ITGA9: variants seen among roughly 807,000 people sequenced by gnomAD.
ITGA9 encodes integrin subunit alpha 9.
Under a neutral mutation model 127.8 loss-of-function variants are expected in ITGA9, and 56 were observed. The ratio of observed to expected loss-of-function variants is 0.44; its 90% CI spans 0.35 to 0.55. The LOEUF is 0.55. ITGA9 is among the 20% of genes least tolerant of loss of function. The pLI is 0.00. For synonymous variants in ITGA9, 508 were observed against 514.5 expected, an observed-to-expected ratio of 0.99 and a Z score of 0.17; for missense variants, 1,196 against 1,347.1, an observed-to-expected ratio of 0.89 and a Z score of 1.76.
intron 17 of ITGA9, among the ~76,000 whole-genome samples, chr3:37,657,987 A>C (rs558216452): frequency 2.5e-4 from 38 of 152,296 alleles, no homozygotes; most frequent in African/African-American, 8.9e-4. Flanking sequence ...TTCAGTTTCC[A>C]TGTAGTTGTG....
intron 27 of ITGA9, among the ~76,000 whole-genome samples, chr3:37,815,631 A>G (rs1357015986): frequency 6.6e-6 from 1 of 152,058 alleles, no homozygotes; most frequent in Non-Finnish European, 1.5e-5. Flanking sequence ...AAAAGTGAAA[A>G]GTCCAGTTCA....
At chr3:37,561,195 C>T (rs1037307098) in intron 15 of ITGA9, among the ~76,000 whole-genome samples, 54 of 152,082 alleles carry the variant, frequency 3.6e-4, no homozygotes, top group Non-Finnish European at 5.3e-4. Flanking sequence ...TTATTTAGTC[C>T]AATATAGCCA....
At chr3:37,626,881 G>T (rs2125634200) in intron 15 of ITGA9, among the ~76,000 whole-genome samples, 1 of 152,306 alleles carries the variant, frequency 6.6e-6, no homozygotes, top group Middle Eastern at 3.4e-3. Flanking sequence ...CATCATTAAG[G>T]ATTTAAATGC....
At chr3:37,489,248 T>C (rs1160215133) in intron 4 of ITGA9, among the ~76,000 whole-genome samples, 4 of 152,246 alleles carry the variant, frequency 2.6e-5, no homozygotes, top group African/African-American at 9.6e-5. Flanking sequence ...AAACATTTTC[T>C]TTGGATGATA....
intron 13 of ITGA9, among the ~76,000 whole-genome samples, chr3:37,527,849 G>A (rs267510): frequency 0.37 from 56,021 of 151,392 alleles, 12,660 homozygotes; most frequent in East Asian, 0.72. Flanking sequence ...GCAATGGTGT[G>A]ATCTCAGCTC....
intron 18 of ITGA9, among the ~76,000 whole-genome samples, chr3:37,727,719 G>A (rs1464593519): frequency 6.6e-6 from 1 of 152,164 alleles, no homozygotes; most frequent in African/African-American, 2.4e-5. Context: ...TTCATATTTT[G>A]TCTGGTTTTC....
At position 37,533,299 on chromosome 3, in the gene ITGA9, T is replaced by C; in HGVS notation, c.1374-15T>C. On this transcript the variant is annotated splice_polypyrimidine_tract_variant and intron_variant, in intron 13 of 27. Coordinates refer to ENST00000264741, the MANE Select transcript of ITGA9 (RefSeq NM_002207.3). ...CCTTACCACGACTAAGTCACCTTCC[T>C]CTCTTGCCCTGCAGAGCAAGGCCTG... 1 of 1,613,956 alleles carries C rather than the reference T, an allele frequency of 6.2e-7. No individual in the cohort carries two copies. The highest frequency in any genetic ancestry group is 8.5e-7 in the Non-Finnish European group (1 of 1,179,874).
In ITGA9 at chr3:37,453,125, C is replaced by T. The variant is rs938579383; in HGVS notation, c.185+566C>T. ...GCCCAGAGCCCCGGCGCCCCCCCCC[C>T]CCCCCAGCTCCTACAAGACCCTGGG... On this transcript the variant is annotated intron_variant, in intron 1 of 27. Coordinates refer to ENST00000264741, the MANE Select transcript of ITGA9 (RefSeq NM_002207.3). Among the ~76,000 whole-genome samples the T allele has an allele frequency of 3.3e-5, 5 of 151,258 alleles. 1 individual carries two copies. In the South Asian group the frequency reaches 6.3e-4, roughly 19 times the overall value.
Position 37,466,370 on chromosome 3 carries a change from G to A in ITGA9, c.186-4637G>A, listed in dbSNP as rs565762963. Among the ~76,000 whole-genome samples, 3 of 151,204 alleles carry A rather than the reference G, an allele frequency of 2.0e-5. No homozygotes were observed. The South Asian group carries it at 6.3e-4, about 32-fold the overall frequency. The stretch of plus-strand genomic sequence containing the variant: ...TGGTGGCGTGTGCCTGTGGTACCCA[G>A]CTACTAGGGAGGCTGAGACAAGAGA... On this transcript the variant is annotated intron_variant, in intron 1 of 27. Coordinates refer to ENST00000264741, the MANE Select transcript of ITGA9 (RefSeq NM_002207.3).
intron 15 of ITGA9, among the ~76,000 whole-genome samples, chr3:37,579,741 C>T (rs868506962): frequency 6.6e-6 from 1 of 152,156 alleles, no homozygotes; most frequent in South Asian, 2.1e-4. Flanking sequence ...ATATCTAACC[C>T]TCCTATCAGA....
At chr3:37,615,840 A>G (rs1481244454) in intron 15 of ITGA9, among the ~76,000 whole-genome samples, 1 of 151,758 alleles carries the variant, frequency 6.6e-6, no homozygotes, top group Non-Finnish European at 1.5e-5. Context: ...TATTGTGTCT[A>G]TTTGATTCTT....
chr3:37,653,841 C>A, intron 17 of ITGA9, 51 bp downstream of exon 17: 1 of 1,346,784 alleles, frequency 7.4e-7, no homozygotes, highest in Non-Finnish European at 1.1e-6. Flanking sequence ...TTTTTCTTGA[C>A]CCCAGGTCCC....
intron 14 of ITGA9, among the ~76,000 whole-genome samples, chr3:37,535,102 G>T (rs1343575046): frequency 6.6e-6 from 1 of 152,228 alleles, no homozygotes; most frequent in Non-Finnish European, 1.5e-5. Context: ...GGGCAAACGA[G>T]TAATAGTTTC....
In ITGA9 at chr3:37,700,015, C is replaced by G. The variant is rs140884572; in HGVS notation, c.2067+16000C>G. On this transcript the variant is annotated intron_variant, in intron 18 of 27. Coordinates refer to ENST00000264741, the MANE Select transcript of ITGA9 (RefSeq NM_002207.3). ...TTTTGTTTTCTTGAAACAGAGTCTC[C>G]CTCTGTCACCCAGACTGGAGTGCAG... 9.4e-3 allele frequency among the ~76,000 whole-genome samples: 1,424 copies of G among 152,288 alleles called. 26 individuals are homozygous for G. Among genetic ancestry groups the G allele is most frequent in the African/African-American group, 0.032 (1,333 of 41,562 alleles).
intron 18 of ITGA9, among the ~76,000 whole-genome samples, chr3:37,709,253 A>G (rs1701051109): frequency 6.6e-6 from 1 of 152,214 alleles, no homozygotes; most frequent in Non-Finnish European, 1.5e-5. Context: ...AGTGCCCACC[A>G]TAAATCCCCA....
chr3:37,567,052 T>C (rs1699553619), intron 15 of ITGA9, among the ~76,000 whole-genome samples: 2 of 152,162 alleles, frequency 1.3e-5, no homozygotes, highest in Non-Finnish European at 2.9e-5. Flanking sequence ...TTAATGAAGA[T>C]TTGGGATGTG....
chr3:37,748,041 C>A (rs543065115), intron 22 of ITGA9: 2 of 346,496 alleles, frequency 5.8e-6, no homozygotes, highest in Non-Finnish European at 1.1e-5. Flanking sequence ...AATTTTGGAA[C>A]ATTTCAATCA....
chr3:37,518,562 A>G (rs1322588968), intron 10 of ITGA9, among the ~76,000 whole-genome samples: 1 of 152,178 alleles, frequency 6.6e-6, no homozygotes, highest in East Asian at 1.9e-4. Context: ...TCAAATAATA[A>G]TAAGGAATGG....
rs564392934 is a variant in ITGA9 at position 37,785,007 on chromosome 3, C to T, written c.2818C>T (p.Arg940Cys). 67 of 1,614,068 alleles carry T rather than the reference C, an allele frequency of 4.2e-5. No individual in the cohort carries two copies. Among genetic ancestry groups the T allele is most frequent in the South Asian group, 1.8e-4 (16 of 91,082 alleles). Residue 940 changes from arginine to cysteine, a missense_variant, in exon 26 of 28, where the codon CGC becomes TGC. Coordinates refer to ENST00000264741, the MANE Select transcript of ITGA9 (RefSeq NM_002207.3). The part of the protein sequence containing the change: ...DSSSVIQFMS[R>C]AKVKVDPALR... The stretch of plus-strand genomic sequence containing the variant: ...TTCGTCTGTCATCCAGTTCATGTCC[C>T]GCGCCAAGGTGAAGGTGGATCCTGC...
Sources: allele counts gnomAD v4.1 joint callset (sites outside exome capture counted in the v4.1 genomes callset), GRCh38; gene constraint gnomAD v4.1.1; transcripts MANE v1.5; gene names NCBI Gene and HGNC (gene_info 2026-07-23, HGNC 2026-07-21).